ERBB4: variants seen among roughly 807,000 people sequenced by gnomAD.
ERBB4 encodes receptor tyrosine-protein kinase erbB-4.
ERBB4 carries 42 observed loss-of-function variants against 158.0 expected under a neutral mutation model. The observed-to-expected ratio is 0.27, with a 90% CI of 0.21 to 0.34. The LOEUF (loss-of-function observed/expected upper bound fraction) is 0.34. Ranked by LOEUF, ERBB4 falls within the 10% of genes least tolerant of loss-of-function variation. The probability of loss-of-function intolerance (pLI) is 1.00; values close to 1 mark genes in which losing one functional copy is unlikely to be tolerated. For missense variants in ERBB4, 1,333 were observed against 1,624.1 expected (o/e 0.82, Z 3.08); for synonymous variants, 583 against 558.7 (o/e 1.04, Z -0.61).
rs1449246579 is a variant in ERBB4 at position 211,630,538 on chromosome 2, C to T, written c.2003G>A (p.Gly668Asp). The change falls in exon 17 of 28, where the codon GGT becomes GAT. Residue 668 changes from glycine to aspartate, a missense_variant. Physicochemically the swap from Gly to Asp is moderately conservative, Grantham distance 94 (BLOSUM62 -1). Transcript: ENST00000342788. ...IGGLFILVIVGLTFAVYVRRK... is the reference protein window; with the variant it reads ...IGGLFILVIVDLTFAVYVRRK... ...TCTAACATAAACAGCAAATGTCAGACCCACAATGACCAGAATGAAGAGCCC... is the reference window on the plus strand; with the variant it reads ...TCTAACATAAACAGCAAATGTCAGATCCACAATGACCAGAATGAAGAGCCC... 1 of 1,613,524 alleles carries T rather than the reference C, an allele frequency of 6.2e-7. No homozygotes were observed. The highest frequency in any genetic ancestry group is 1.1e-5 in the South Asian group (1 of 91,070).
rs189078057 is a variant in ERBB4 at position 212,273,408 on chromosome 2, A to T, written c.83-148505T>A. On this transcript the variant is annotated intron_variant, in intron 1 of 27. Transcript: ENST00000342788. ...AATTGATAATGTTAAAAATGCTAGC[A>T]GAAGCACTCCAGAGTTATTTTTGAA... 1.9e-4 allele frequency among the ~76,000 whole-genome samples: 29 copies of T among 151,958 alleles called. No homozygotes were observed. In the East Asian group the frequency reaches 4.7e-3, roughly 24 times the overall value.
At chr2:212,067,278 C>A (rs1223871394) in intron 2 of ERBB4, among the ~76,000 whole-genome samples, 1 of 151,890 alleles carries the variant, frequency 6.6e-6, no homozygotes, top group Non-Finnish European at 1.5e-5. Flanking sequence ...TGTATTTGTG[C>A]TGCACTTATG....
At chr2:212,221,847 C>G (rs2083300121) in intron 1 of ERBB4, among the ~76,000 whole-genome samples, 1 of 151,372 alleles carries the variant, frequency 6.6e-6, no homozygotes, top group Non-Finnish European at 1.5e-5. Flanking sequence ...CTCACCTATG[C>G]CTGATTTATT....
chr2:211,499,491 C>A (rs1021656124), intron 20 of ERBB4, among the ~76,000 whole-genome samples: 6 of 151,980 alleles, frequency 3.9e-5, no homozygotes, highest in Admixed American at 3.3e-4. Flanking sequence ...CCACTGCACT[C>A]CAGCCTGGCA....
At chr2:212,123,623 G>A (rs2079828237) in intron 2 of ERBB4, among the ~76,000 whole-genome samples, 1 of 152,138 alleles carries the variant, frequency 6.6e-6, no homozygotes, top group Non-Finnish European at 1.5e-5. Context: ...TGCTTTACTA[G>A]TCCAACTATG....
intron 20 of ERBB4, among the ~76,000 whole-genome samples, chr2:211,470,553 T>A (rs1287987270): frequency 2.0e-5 from 3 of 152,198 alleles, no homozygotes; most frequent in Non-Finnish European, 4.4e-5. Context: ...TTTAATTTTT[T>A]AAATTTAATT....
chr2:211,629,701 A>C (rs540191115), intron 17 of ERBB4, among the ~76,000 whole-genome samples: 25 of 152,312 alleles, frequency 1.6e-4, no homozygotes, highest in African/African-American at 5.1e-4. Context: ...AAACAGAGAT[A>C]TAGACCAATG....
intron 2 of ERBB4, among the ~76,000 whole-genome samples, chr2:212,101,503 T>C (rs2079082357): frequency 6.6e-6 from 1 of 151,580 alleles, no homozygotes; most frequent in East Asian, 1.9e-4. Context: ...TATATGAAAT[T>C]AGTGAGGAAA....
chr2:211,652,075 A>G (rs994460616), intron 16 of ERBB4, among the ~76,000 whole-genome samples: 1 of 152,202 alleles, frequency 6.6e-6, no homozygotes, highest in African/African-American at 2.4e-5. Context: ...GCATTTTGCT[A>G]TCAAGGTAAA....
intron 3 of ERBB4, among the ~76,000 whole-genome samples, chr2:211,826,071 GC>G (rs2077094251): frequency 6.6e-6 from 1 of 151,466 alleles, no homozygotes; most frequent in Middle Eastern, 3.4e-3. Flanking sequence ...TTTACAATGA[GC>G]TTTTGGGCTT....
At chr2:212,205,079 A>G (rs893143460) in intron 1 of ERBB4, among the ~76,000 whole-genome samples, 3 of 152,016 alleles carry the variant, frequency 2.0e-5, no homozygotes, top group African/African-American at 7.2e-5. Context: ...CGGCCTCCCA[A>G]AGTGCTAGAA....
At chr2:212,099,736 G>GTT (rs3037296) in intron 2 of ERBB4, among the ~76,000 whole-genome samples, 67,948 of 144,298 alleles carry the variant, frequency 0.47, 16,813 homozygotes, top group African/African-American at 0.62. Flanking sequence ...TTGTTTTACA[G>GTT]TTTTTTTTTT....
intron 2 of ERBB4, among the ~76,000 whole-genome samples, chr2:212,074,760 C>T (rs1302295738): frequency 1.3e-5 from 2 of 151,908 alleles, no homozygotes; most frequent in Admixed American, 1.3e-4. Flanking sequence ...CTGAAACAGT[C>T]GTTCTGGGAG....
At chr2:211,881,502 C>T (rs1457212956) in intron 3 of ERBB4, among the ~76,000 whole-genome samples, 1 of 148,232 alleles carries the variant, frequency 6.7e-6, no homozygotes, top group Non-Finnish European at 1.5e-5. Flanking sequence ...GCTCCATCTT[C>T]CCTTTTTTTG....
At chr2:211,580,848 AT>A in intron 19 of ERBB4, among the ~76,000 whole-genome samples, 1 of 59,818 alleles carries the variant, frequency 1.7e-5, no homozygotes, top group Non-Finnish European at 3.7e-5. Flanking sequence ...TATATATTAT[AT>A]ATATAGTATG....
intron 2 of ERBB4, among the ~76,000 whole-genome samples, chr2:212,098,118 C>T (rs1003336997): frequency 1.3e-5 from 2 of 152,184 alleles, no homozygotes; most frequent in South Asian, 2.1e-4. Context: ...ATACTGATAC[C>T]ATGAGGTTTT....
At chr2:212,461,052 T>A (rs1688547429) in intron 1 of ERBB4, among the ~76,000 whole-genome samples, 1 of 151,970 alleles carries the variant, frequency 6.6e-6, no homozygotes, top group Admixed American at 6.6e-5. Context: ...GATGTCGAGG[T>A]AGAAGTTTGC....
At position 211,399,736 on chromosome 2, in the gene ERBB4, T is replaced by C. The variant is rs564141853; in HGVS notation, c.3136-11744A>G. ...TAAAACTTCAAGATTCTATCACTAG[T>C]ATGACAACATTCCCCTAAGACACCT... On this transcript the variant is annotated intron_variant, in intron 25 of 27. Coordinates refer to ENST00000342788, the MANE Select transcript of ERBB4 (RefSeq NM_005235.3). Among the ~76,000 whole-genome samples the C allele has an allele frequency of 1.0e-3, 158 of 152,258 alleles. 1 individual carries two copies. The highest frequency in any genetic ancestry group is 3.5e-3 in the African/African-American group (144 of 41,568).
chr2:212,320,254 C>A (rs1318144553), intron 1 of ERBB4, among the ~76,000 whole-genome samples: 2 of 148,184 alleles, frequency 1.3e-5, no homozygotes, highest in Non-Finnish European at 3.0e-5. Context: ...TGGCTGCCAG[C>A]ATATAGCCTA....
Sources: allele counts gnomAD v4.1 joint callset (sites outside exome capture counted in the v4.1 genomes callset), GRCh38; gene constraint gnomAD v4.1.1; transcripts MANE v1.5; gene names NCBI Gene and HGNC (gene_info 2026-07-23, HGNC 2026-07-21).